KDM4C: variants seen among roughly 807,000 people sequenced by gnomAD.
KDM4C encodes lysine demethylase 4C, also known as lysine-specific demethylase 4C.
In KDM4C, 81 loss-of-function variants were observed where a neutral mutation model predicts 129.3. The observed-to-expected ratio is 0.63, with a 90% CI of 0.52 to 0.75. The LOEUF (loss-of-function observed/expected upper bound fraction) is 0.75, where lower values mean the gene tolerates loss of function less well. KDM4C is among the 30% of genes least tolerant of loss of function. KDM4C has a pLI of 0.00. For missense variants in KDM4C, 1,457 were observed against 1,304.0 expected, an observed-to-expected ratio of 1.12 and a Z score of -1.81; for synonymous variants, 573 against 456.1, an observed-to-expected ratio of 1.26 and a Z score of -3.26.
intron 8 of KDM4C, among the ~76,000 whole-genome samples, chr9:6,973,402 T>C (rs1163434224): frequency 1.3e-5 from 2 of 152,218 alleles, no homozygotes; most frequent in African/African-American, 2.4e-5. Flanking sequence ...ACTCTCTTGG[T>C]CTAGTTAGCT....
At chr9:6,835,770 A>G (rs1835770206) in intron 4 of KDM4C, among the ~76,000 whole-genome samples, 1 of 152,072 alleles carries the variant, frequency 6.6e-6, no homozygotes, top group East Asian at 1.9e-4. Flanking sequence ...ACATCCCCCA[A>G]ATTTCTGCAG....
chr9:7,097,819 C>A lies in KDM4C; in HGVS notation c.2425-5866C>A, dbSNP rs1366812771. Among the ~76,000 whole-genome samples the A allele has an allele frequency of 4.6e-5, 7 of 151,866 alleles. No individual in the cohort carries two copies. The East Asian group carries it at 1.3e-3, about 29-fold the overall frequency. The stretch of plus-strand genomic sequence containing the variant: ...GGATTGTATATCTTTTTCATTTTTT[C>A]ATCTGCCTTTGCATTTTGCAAAATG... On this transcript the variant is annotated intron_variant, in intron 17 of 21. Transcript: ENST00000381309.
At chr9:6,947,238 C>G (rs545242184) in intron 8 of KDM4C, among the ~76,000 whole-genome samples, 1 of 152,176 alleles carries the variant, frequency 6.6e-6, no homozygotes, top group South Asian at 2.1e-4. Context: ...CTAAATAGCT[C>G]TAGATGTGAA....
In KDM4C at chr9:7,026,207, GA is replaced by G. The variant is rs760954244; in HGVS notation, c.2259+10292del. Among the ~76,000 whole-genome samples, 869 of 110,120 alleles carry G rather than the reference GA, an allele frequency of 7.9e-3. 7 individuals carry two copies. The highest frequency in any genetic ancestry group is 0.022 in the African/African-American group (644 of 29,678). The allele number at this position is 110,120 out of a possible 152,430, so 72.2% of individuals were successfully genotyped here. A position where few individuals can be genotyped will look rare whatever the true frequency, so the allele number is the denominator to read the frequency against. ...GTGACAGAGCGAGACGCCATCTCAA[GA>G]AAAAAAAAAAAAAGAAACAGAAAAA... is the stretch of plus-strand genomic sequence containing the variant. On this transcript the variant is annotated intron_variant, in intron 15 of 21. Coordinates refer to ENST00000381309, the MANE Select transcript of KDM4C (RefSeq NM_015061.6).
In KDM4C at chr9:6,986,507, A is replaced by G. The variant is rs767254327; in HGVS notation, c.1518A>G (p.Ser506=). ...AGAAATCAGACCCATCCGAGCTTTC[A>G]TGGCCAAAGTCACCTGAGTCATGCT... ...KPEKSDPSEL[S]WPKSPESCSS... The change falls in exon 11 of 22, where the codon TCA becomes TCG. Residue 506 remains serine (S), a synonymous_variant. Transcript: ENST00000381309. The G allele has an allele frequency of 6.2e-6, 10 of 1,614,054 alleles. No individual in the cohort carries two copies. Among genetic ancestry groups the G allele is most frequent in the Admixed American group, 1.7e-5 (1 of 59,996 alleles).
Position 6,748,779 on chromosome 9 carries a change from G to C in KDM4C, c.49+27782G>C, listed in dbSNP as rs188645669. 139 of 1,420,318 alleles carry C rather than the reference G, an allele frequency of 9.8e-5. No individual in the cohort carries two copies. The African/African-American group carries it at 1.6e-3, about 16-fold the overall frequency. 88.0% of individuals were successfully genotyped at this position (1,420,318 alleles called of 1,614,324 possible). On this transcript the variant is annotated intron_variant, in intron 1 of 17. Coordinates refer to the KDM4C transcript ENST00000536108. ...CCGACCCAGTTGTTTTCTTGACTTTGTTTTCGAATGAATCTCTTCTGCATC... is the reference window on the plus strand; with the variant it reads ...CCGACCCAGTTGTTTTCTTGACTTTCTTTTCGAATGAATCTCTTCTGCATC...
intron 5 of KDM4C, among the ~76,000 whole-genome samples, chr9:6,858,857 T>C (rs1033871687): frequency 2.6e-5 from 4 of 152,114 alleles, no homozygotes; most frequent in African/African-American, 9.7e-5. Context: ...TCTCTTTTTT[T>C]TTTTGTTTTC....
chr9:6,725,711 CTT>C (rs201307657), intron 1 of KDM4C, among the ~76,000 whole-genome samples: 84 of 86,454 alleles, frequency 9.7e-4, no homozygotes, highest in African/African-American at 2.1e-3. Flanking sequence ...CTTTTCTTTT[CTT>C]TTTTTTTTTT....
intron 8 of KDM4C, chr9:6,924,841 G>T (rs778954325): frequency 4.1e-6 from 4 of 983,134 alleles, no homozygotes; most frequent in Non-Finnish European, 4.8e-6. Context: ...ATGAAAATAA[G>T]ACAGGCTGTC....
intron 5 of KDM4C, among the ~76,000 whole-genome samples, chr9:6,851,316 T>C (rs1448748578): frequency 6.6e-6 from 1 of 152,176 alleles, no homozygotes; most frequent in Admixed American, 6.5e-5. Context: ...GAGCACATGC[T>C]TAAGGACAGG....
intron 17 of KDM4C, among the ~76,000 whole-genome samples, chr9:7,094,080 C>T (rs1275242886): frequency 6.6e-6 from 1 of 152,232 alleles, no homozygotes; most frequent in Non-Finnish European, 1.5e-5. Context: ...GGTGCTGTTA[C>T]CATCTTTACC....
At chr9:6,807,157 C>G (rs1398304106) in intron 3 of KDM4C, among the ~76,000 whole-genome samples, 1 of 152,080 alleles carries the variant, frequency 6.6e-6, no homozygotes, top group Non-Finnish European at 1.5e-5. Context: ...CCCGAGGTGC[C>G]GGGATTGCAG....
At chr9:6,996,842 G>A (rs1819847515) in intron 12 of KDM4C, among the ~76,000 whole-genome samples, 1 of 152,138 alleles carries the variant, frequency 6.6e-6, no homozygotes, top group South Asian at 2.1e-4. Flanking sequence ...TATTTTCTGT[G>A]ACAAACATTT....
intron 2 of KDM4C, among the ~76,000 whole-genome samples, chr9:6,798,261 T>TC (rs1828127192): frequency 6.6e-6 from 1 of 151,896 alleles, no homozygotes. Flanking sequence ...TCTTTCTTTT[T>TC]TTTTTTTTTA....
rs1272640106 is a variant in KDM4C, at chr9:6,807,099, G to T, written c.320+1325G>T. 3.9e-5 allele frequency among the ~76,000 whole-genome samples: 6 copies of T among 151,980 alleles called. No individual in the cohort carries two copies. In the South Asian group the frequency reaches 6.2e-4, roughly 16 times the overall value. ...GAGACGGGGTTTCGCTGTGTTGGCCGGGCCGGTCTCCAGCCCCTAACCGCG... is the reference window on the plus strand; with the variant it reads ...GAGACGGGGTTTCGCTGTGTTGGCCTGGCCGGTCTCCAGCCCCTAACCGCG... On this transcript the variant is annotated intron_variant, in intron 3 of 21. Coordinates refer to ENST00000381309, the MANE Select transcript of KDM4C (RefSeq NM_015061.6).
intron 10 of KDM4C, among the ~76,000 whole-genome samples, chr9:6,985,795 A>AT (rs1393926304): frequency 3.3e-5 from 5 of 152,002 alleles, no homozygotes; most frequent in African/African-American, 9.7e-5. Context: ...GGTTCAAGCG[A>AT]TTTTTTTGCC....
chr9:6,770,767 CTTTTTT>C (rs753670348), intron 1 of KDM4C, among the ~76,000 whole-genome samples: 1 of 81,764 alleles, frequency 1.2e-5, no homozygotes, highest in African/African-American at 4.9e-5. Flanking sequence ...GATTTTGATC[CTTTTTT>C]TTTTTTTTTT....
At chr9:6,788,162 C>G (rs1825853909) in intron 1 of KDM4C, among the ~76,000 whole-genome samples, 1 of 152,190 alleles carries the variant, frequency 6.6e-6, no homozygotes, top group Admixed American at 6.5e-5. Context: ...ATAGCCACCC[C>G]TCCCCTTTGC....
chr9:6,989,150 A>G (rs1045460949), intron 11 of KDM4C, among the ~76,000 whole-genome samples: 1 of 152,220 alleles, frequency 6.6e-6, no homozygotes, highest in African/African-American at 2.4e-5. Flanking sequence ...AAACATAGAT[A>G]GCTGTCATCG....
Sources: allele counts gnomAD v4.1 joint callset (sites outside exome capture counted in the v4.1 genomes callset), GRCh38; gene constraint gnomAD v4.1.1; transcripts MANE v1.5; gene names NCBI Gene and HGNC (gene_info 2026-07-23, HGNC 2026-07-21).